Variants in TAFA1 observed in about 807,000 individuals in gnomAD.
TAFA1 encodes chemokine-like protein TAFA-1.
Under a neutral mutation model 18.5 loss-of-function variants are expected in TAFA1, and 4 were observed. The observed-to-expected ratio is 0.22, with a 90% CI of 0.11 to 0.49. TAFA1 has a LOEUF of 0.49. TAFA1 is among the 20% of genes least tolerant of loss of function. The pLI, the probability that TAFA1 is intolerant of heterozygous loss-of-function variation, is 0.98. For missense variants in TAFA1, 147 were observed against 169.0 expected, an observed-to-expected ratio of 0.87 and a Z score of 0.72; for synonymous variants, 56 against 55.2, an observed-to-expected ratio of 1.01 and a Z score of -0.06.
intron 2 of TAFA1, among the ~76,000 whole-genome samples, chr3:68,387,825 G>A (rs2070137489): frequency 6.6e-6 from 1 of 152,094 alleles, no homozygotes; most frequent in Non-Finnish European, 1.5e-5. Context: ...TACTTTCTGA[G>A]ACCACAGCCT....
At chr3:68,267,839 A>G (rs976317513) in intron 2 of TAFA1, among the ~76,000 whole-genome samples, 3 of 151,826 alleles carry the variant, frequency 2.0e-5, no homozygotes, top group African/African-American at 4.8e-5. Context: ...TTATTTCTTC[A>G]AATAGGTAGT....
chr3:68,536,103 A>G (rs1024819920), intron 3 of TAFA1, among the ~76,000 whole-genome samples: 6 of 152,196 alleles, frequency 3.9e-5, no homozygotes, highest in African/African-American at 9.6e-5. Context: ...TTCCTCACAT[A>G]AAAGTTCTTT....
At chr3:68,015,185 G>A (rs1704544812) in intron 2 of TAFA1, among the ~76,000 whole-genome samples, 3 of 152,180 alleles carry the variant, frequency 2.0e-5, no homozygotes, top group Non-Finnish European at 4.4e-5. Flanking sequence ...GGTATTACTG[G>A]GGCTCTGGTA....
chr3:68,378,044 C>T (rs566744204), intron 2 of TAFA1, among the ~76,000 whole-genome samples: 1 of 152,308 alleles, frequency 6.6e-6, no homozygotes, highest in South Asian at 2.1e-4. Flanking sequence ...GCAGGGCCCT[C>T]ATGGAGAAAC....
chr3:68,156,661 A>AT (rs2065870586), intron 2 of TAFA1, among the ~76,000 whole-genome samples: 1 of 152,160 alleles, frequency 6.6e-6, no homozygotes, highest in Non-Finnish European at 1.5e-5. Context: ...AGTGACCTAC[A>AT]TTTTGAATTG....
chr3:68,205,539 C>A (rs73095480), intron 2 of TAFA1, among the ~76,000 whole-genome samples: 2,157 of 151,922 alleles, frequency 0.014, 24 homozygotes, highest in Middle Eastern at 0.075. Context: ...GAGATTCTGA[C>A]AGTATTTGAT....
At chr3:68,171,953 T>A (rs1192700090) in intron 2 of TAFA1, among the ~76,000 whole-genome samples, 1 of 152,054 alleles carries the variant, frequency 6.6e-6, no homozygotes, top group Non-Finnish European at 1.5e-5. Flanking sequence ...AATGTGTGTG[T>A]TTAAACCTTA....
chr3:68,497,631 T>C (rs1483133585), intron 3 of TAFA1, among the ~76,000 whole-genome samples: 1 of 152,132 alleles, frequency 6.6e-6, no homozygotes, highest in Non-Finnish European at 1.5e-5. Flanking sequence ...AGACAGAGTG[T>C]GCTGAATGGG....
chr3:68,368,881 T>C (rs1342141879), intron 2 of TAFA1, among the ~76,000 whole-genome samples: 2 of 152,228 alleles, frequency 1.3e-5, no homozygotes, highest in Non-Finnish European at 2.9e-5. Flanking sequence ...TATACCAGTA[T>C]TTCTTTCCTG....
intron 2 of TAFA1, among the ~76,000 whole-genome samples, chr3:68,035,247 G>A (rs1039750885): frequency 1.3e-5 from 2 of 152,112 alleles, no homozygotes; most frequent in Admixed American, 6.6e-5. Flanking sequence ...AATGACTGCT[G>A]TTTCTCACAC....
At chr3:68,326,248 A>T (rs984974749) in intron 2 of TAFA1, among the ~76,000 whole-genome samples, 1 of 152,204 alleles carries the variant, frequency 6.6e-6, no homozygotes, top group African/African-American at 2.4e-5. Context: ...ATTATTGAAC[A>T]AAACCAACTT....
intron 3 of TAFA1, among the ~76,000 whole-genome samples, chr3:68,483,465 T>A (rs1450884612): frequency 1.3e-5 from 2 of 152,216 alleles, no homozygotes; most frequent in East Asian, 3.9e-4. Flanking sequence ...ATGTGCTCAG[T>A]TGTAGCCTCT....
chr3:68,387,287 C>A (rs2070126339), intron 2 of TAFA1, among the ~76,000 whole-genome samples: 1 of 152,072 alleles, frequency 6.6e-6, no homozygotes, highest in African/African-American at 2.4e-5. Context: ...CTCTAAATGG[C>A]AGTCTATAGC....
chr3:68,212,722 A>C (rs965982319), intron 2 of TAFA1, among the ~76,000 whole-genome samples: 1 of 152,048 alleles, frequency 6.6e-6, no homozygotes, highest in African/African-American at 2.4e-5. Context: ...CAGTTTTTTA[A>C]AAGTATGTCT....
chr3:68,071,189 G>C (rs556808306), intron 2 of TAFA1, among the ~76,000 whole-genome samples: 2 of 152,354 alleles, frequency 1.3e-5, no homozygotes, highest in South Asian at 4.1e-4. Context: ...ACAGTTCCAT[G>C]TGGCTGAGGA....
intron 2 of TAFA1, among the ~76,000 whole-genome samples, chr3:68,107,586 A>G (rs992385433): frequency 2.0e-5 from 3 of 152,254 alleles, no homozygotes; most frequent in East Asian, 3.9e-4. Flanking sequence ...AATGTTTTCA[A>G]TTGTCACAAT....
At position 68,255,391 on chromosome 3, in the gene TAFA1, G is replaced by T. The variant is rs753709567; in HGVS notation, c.119-161889G>T. On this transcript the variant is annotated intron_variant, in intron 2 of 4. Transcript: ENST00000478136. ...CTGATTGCAGTAATCATTAAATCTG[G>T]ATAATGAAAAATATTCACCAACTCT... is the stretch of plus-strand genomic sequence containing the variant. Among the ~76,000 whole-genome samples the T allele has an allele frequency of 4.3e-4, 65 of 152,148 alleles. 1 individual carries two copies. The highest frequency in any genetic ancestry group is 1.6e-3 in the Admixed American group (25 of 15,266).
intron 2 of TAFA1, among the ~76,000 whole-genome samples, chr3:68,033,903 A>G (rs1462816925): frequency 6.6e-6 from 1 of 152,194 alleles, no homozygotes; most frequent in Non-Finnish European, 1.5e-5. Flanking sequence ...AGTTTGGTGT[A>G]CTTTTCAGAT....
intron 2 of TAFA1, among the ~76,000 whole-genome samples, chr3:68,312,759 T>C (rs1465267861): frequency 6.6e-6 from 1 of 152,236 alleles, no homozygotes; most frequent in Non-Finnish European, 1.5e-5. Context: ...GTTACCCAGT[T>C]TGAAAGTCTC....
Sources: allele counts gnomAD v4.1 joint callset (sites outside exome capture counted in the v4.1 genomes callset), GRCh38; gene constraint gnomAD v4.1.1; transcripts MANE v1.5; gene names NCBI Gene and HGNC (gene_info 2026-07-23, HGNC 2026-07-21).